The following ZFPM2 variants were observed in gnomAD, a reference collection of about 807,000 sequenced individuals.
ZFPM2 encodes the protein zinc finger protein ZFPM2.
In ZFPM2, 20 loss-of-function variants were observed where a neutral mutation model predicts 98.6. The observed-to-expected ratio is 0.20, with a 90% CI of 0.14 to 0.29. ZFPM2 has a LOEUF of 0.29. ZFPM2 is among the 10% of genes least tolerant of loss of function. The probability of loss-of-function intolerance (pLI) is 1.00; values close to 1 mark genes in which losing one functional copy is unlikely to be tolerated. For missense variants in ZFPM2, 1,310 were observed against 1,388.6 expected, an observed-to-expected ratio of 0.94 and a Z score of 0.90; for synonymous variants, 518 against 502.7, an observed-to-expected ratio of 1.03 and a Z score of -0.41.
At chr8:105,339,052 T>A (rs1812374906) in intron 1 of ZFPM2, among the ~76,000 whole-genome samples, 1 of 151,822 alleles carries the variant, frequency 6.6e-6, no homozygotes, top group Admixed American at 6.6e-5. Context: ...GAAGCTACTT[T>A]GTTACTGTCA....
intron 3 of ZFPM2, among the ~76,000 whole-genome samples, chr8:105,455,965 C>T (rs770863909): frequency 3.3e-5 from 5 of 151,922 alleles, no homozygotes; most frequent in Non-Finnish European, 5.9e-5. Flanking sequence ...CAGTGGAATT[C>T]TTGGGAGAAG....
chr8:105,541,019 G>A (rs569096093), intron 3 of ZFPM2, among the ~76,000 whole-genome samples: 1 of 152,060 alleles, frequency 6.6e-6, no homozygotes, highest in East Asian at 1.9e-4. Flanking sequence ...TTGTATTGTT[G>A]CAGACTGACC....
chr8:105,405,436 C>G (rs1811429085), intron 1 of ZFPM2, among the ~76,000 whole-genome samples: 1 of 145,600 alleles, frequency 6.9e-6, no homozygotes, highest in Non-Finnish European at 1.5e-5. Flanking sequence ...CCCCCTCCCC[C>G]ACCCCACAAC....
At chr8:105,675,883 T>C (rs1275463812) in intron 5 of ZFPM2, 1 of 152,234 alleles carries the variant, frequency 6.6e-6, no homozygotes, top group Non-Finnish European at 1.5e-5. Flanking sequence ...AACTGCATTA[T>C]TCCTAATTGT....
chr8:105,719,826 G>T (rs547729180), intron 5 of ZFPM2, among the ~76,000 whole-genome samples: 1 of 151,964 alleles, frequency 6.6e-6, no homozygotes, highest in African/African-American at 2.4e-5. Flanking sequence ...TGGACTTACA[G>T]GTTTCTCCAT....
intron 5 of ZFPM2, among the ~76,000 whole-genome samples, chr8:105,773,547 T>C (rs1248934613): frequency 6.6e-6 from 1 of 151,950 alleles, no homozygotes; most frequent in Non-Finnish European, 1.5e-5. Context: ...AATTTTCATA[T>C]TTTAGAATAG....
chr8:105,336,688 CCACACACA>C (rs139930523), intron 1 of ZFPM2, among the ~76,000 whole-genome samples: 1,430 of 142,250 alleles, frequency 0.01, 25 homozygotes, highest in African/African-American at 0.034. Flanking sequence ...GTAATATACT[CCACACACA>C]CACACACACA....
intron 5 of ZFPM2, among the ~76,000 whole-genome samples, chr8:105,668,139 C>T (rs1052565302): frequency 6.6e-6 from 1 of 152,210 alleles, no homozygotes; most frequent in Admixed American, 6.5e-5. Flanking sequence ...AGGCCATTGG[C>T]TCTTCTCAGC....
intron 5 of ZFPM2, among the ~76,000 whole-genome samples, chr8:105,707,258 A>G (rs1217386616): frequency 6.8e-6 from 1 of 147,318 alleles, no homozygotes; most frequent in Non-Finnish European, 1.5e-5. Flanking sequence ...AAAAAAAAGA[A>G]AAAGAAAAAA....
chr8:105,512,945 G>T (rs916772569), intron 3 of ZFPM2, among the ~76,000 whole-genome samples: 1 of 152,006 alleles, frequency 6.6e-6, no homozygotes, highest in South Asian at 2.1e-4. Context: ...TGTAGAAATA[G>T]CTTCAGTTTT....
At chr8:105,444,173 C>A (rs1369473728) in intron 2 of ZFPM2, 107 bp from the exon 3 acceptor site, 2 of 840,178 alleles carry the variant, frequency 2.4e-6, no homozygotes, top group African/African-American at 1.7e-5. Context: ...ATATGTATAA[C>A]AAACCTGTAA....
chr8:105,669,537 TG>T (rs200025941), intron 5 of ZFPM2, among the ~76,000 whole-genome samples: 6,924 of 76,978 alleles, frequency 0.09, 188 homozygotes, highest in African/African-American at 0.14. Flanking sequence ...AAAGTGTGCA[TG>T]TGTGTGTGTG....
At chr8:105,517,796 A>G (rs1813968837) in intron 3 of ZFPM2, among the ~76,000 whole-genome samples, 1 of 151,194 alleles carries the variant, frequency 6.6e-6, no homozygotes, top group South Asian at 2.1e-4. Context: ...TAGGAGGCTG[A>G]GCCTGGAGGA....
At chr8:105,753,005 C>G (rs905875467) in intron 5 of ZFPM2, among the ~76,000 whole-genome samples, 4 of 152,002 alleles carry the variant, frequency 2.6e-5, no homozygotes, top group East Asian at 3.9e-4. Context: ...GGCTTTCAGT[C>G]GGCATCTGAT....
chr8:105,762,653 T>A (rs1812757949), intron 5 of ZFPM2, among the ~76,000 whole-genome samples: 1 of 151,868 alleles, frequency 6.6e-6, no homozygotes, highest in Non-Finnish European at 1.5e-5. Context: ...TTTTTGCACA[T>A]TTATAGTTTT....
intron 3 of ZFPM2, among the ~76,000 whole-genome samples, chr8:105,516,494 T>G (rs927528729): frequency 3.3e-5 from 5 of 152,208 alleles, no homozygotes; most frequent in African/African-American, 1.2e-4. Context: ...TAACCCTGAA[T>G]AGTGGTAGTT....
rs1226752678 is a variant in ZFPM2 at position 105,335,200 on chromosome 8, G to T, written c.40+16219G>T. Among the ~76,000 whole-genome samples the T allele has an allele frequency of 1.3e-5, 2 of 151,714 alleles. 1 individual carries two copies. Among genetic ancestry groups the T allele is most frequent in the Admixed American group, 1.3e-4 (2 of 15,168 alleles). ...AAATATTTGTTTCTCTCATTTGAAG[G>T]AACCTAGAGCCTAGGAACATTAATG... On this transcript the variant is annotated intron_variant, in intron 1 of 7. Coordinates refer to ENST00000407775, the MANE Select transcript of ZFPM2 (RefSeq NM_012082.4).
At chr8:105,678,918 C>G (rs183340401) in intron 5 of ZFPM2, 1 of 152,278 alleles carries the variant, frequency 6.6e-6, no homozygotes, top group Admixed American at 6.5e-5. Flanking sequence ...GGACACATCA[C>G]AAAATAATCA....
chr8:105,742,379 T>TAAAAAAAA (rs79123129), intron 5 of ZFPM2, among the ~76,000 whole-genome samples: 4 of 109,764 alleles, frequency 3.6e-5, no homozygotes, highest in African/African-American at 1.1e-4. Flanking sequence ...TCCTGTCTCT[T>TAAAAAAAA]AAAAAAAAAA....
Sources: gnomAD v4.1 joint callset for allele counts (sites outside exome capture counted in the v4.1 genomes callset) on GRCh38, gnomAD v4.1.1 for gene constraint, MANE v1.5 for transcripts, NCBI Gene and HGNC (gene_info 2026-07-23, HGNC 2026-07-21) for gene names.